The following ITGBL1 variants were observed in gnomAD, a reference collection of about 807,000 sequenced individuals.
The protein encoded by ITGBL1 is integrin beta-like protein 1.
In ITGBL1, 51 loss-of-function variants were observed where a neutral mutation model predicts 68.5. That is an observed-to-expected ratio of 0.74 (90% CI 0.59 to 0.94). The LOEUF is 0.94. Ranked by LOEUF, ITGBL1 falls within the 40% of genes least tolerant of loss-of-function variation. The pLI, the probability that ITGBL1 is intolerant of heterozygous loss-of-function variation, is 0.00. For missense variants in ITGBL1, 649 were observed against 647.4 expected, an observed-to-expected ratio of 1.00 and a Z score of -0.03; for synonymous variants, 209 against 227.3, an observed-to-expected ratio of 0.92 and a Z score of 0.72.
At chr13:101,598,579 T>G (rs1226049583) in intron 7 of ITGBL1, among the ~76,000 whole-genome samples, 3 of 152,134 alleles carry the variant, frequency 2.0e-5, no homozygotes, top group African/African-American at 2.4e-5. Flanking sequence ...ATGCTATCCC[T>G]CCCCGCTGCC....
intron 2 of ITGBL1, among the ~76,000 whole-genome samples, chr13:101,566,207 T>C (rs2050181150): frequency 6.6e-6 from 1 of 152,150 alleles, no homozygotes; most frequent in Non-Finnish European, 1.5e-5. Flanking sequence ...TTCCATATGG[T>C]TCAACCAAAT....
chr13:101,547,004 CAAAAT>C (rs1206819340), intron 2 of ITGBL1, among the ~76,000 whole-genome samples: 1 of 151,692 alleles, frequency 6.6e-6, no homozygotes, highest in African/African-American at 2.4e-5. Flanking sequence ...AAATAAAACA[CAAAAT>C]AAAATCCTAT....
At chr13:101,700,072 C>T (rs1020554194) in intron 8 of ITGBL1, among the ~76,000 whole-genome samples, 1 of 152,140 alleles carries the variant, frequency 6.6e-6, no homozygotes, top group African/African-American at 2.4e-5. Context: ...GCTTTAAGTG[C>T]CATCCACATT....
chr13:101,542,771 T>G (rs1445695282), intron 2 of ITGBL1, among the ~76,000 whole-genome samples: 1 of 152,232 alleles, frequency 6.6e-6, no homozygotes, highest in Non-Finnish European at 1.5e-5. Flanking sequence ...TTAGGATAGT[T>G]AGCTCTTCTT....
At chr13:101,491,501 TAAC>T in intron 2 of ITGBL1, among the ~76,000 whole-genome samples, 1 of 152,250 alleles carries the variant, frequency 6.6e-6, no homozygotes, top group East Asian at 1.9e-4. Context: ...TCCCAAATTG[TAAC>T]AACTTTTCCT....
intron 8 of ITGBL1, among the ~76,000 whole-genome samples, chr13:101,705,127 G>T (rs1378675290): frequency 2.0e-5 from 3 of 151,786 alleles, no homozygotes; most frequent in Non-Finnish European, 4.4e-5. Context: ...CTAGTATCCT[G>T]TCTTTCTTTC....
chr13:101,522,741 C>T (rs556891732), intron 2 of ITGBL1, among the ~76,000 whole-genome samples: 6 of 152,228 alleles, frequency 3.9e-5, no homozygotes, highest in Admixed American at 3.9e-4. Context: ...AGTCAGGGCT[C>T]TTTGTTATTT....
intron 7 of ITGBL1, among the ~76,000 whole-genome samples, chr13:101,683,027 C>T (rs2033678599): frequency 6.6e-6 from 1 of 151,990 alleles, no homozygotes; most frequent in Non-Finnish European, 1.5e-5. Context: ...CATGGCTCAC[C>T]AATTTTATCA....
At position 101,453,924 on chromosome 13, in the gene ITGBL1, C is replaced by G. The variant is rs1052153988; in HGVS notation, c.140C>G (p.Ser47Trp). 5 of 1,347,326 alleles carry G rather than the reference C, an allele frequency of 3.7e-6. No individual in the cohort carries two copies. The African/African-American group carries it at 7.6e-5, about 21-fold the overall frequency. 83.5% of individuals were successfully genotyped at this position (1,347,326 alleles called of 1,614,324 possible). A position where few individuals can be genotyped will look rare whatever the true frequency, so the allele number is the denominator to read the frequency against. ...GAACRLSRAESERRCRAPGQP... is the reference protein window; with the variant it reads ...GAACRLSRAEWERRCRAPGQP... ...GCCTGCAGGCTGTCCCGGGCCGAGTCGGAGCGACGCTGCCGCGCACCTGGG... is the reference window on the plus strand; with the variant it reads ...GCCTGCAGGCTGTCCCGGGCCGAGTGGGAGCGACGCTGCCGCGCACCTGGG... Residue 47 changes from serine to tryptophan, a missense_variant, in exon 2 of 11, where the codon TCG (serine) becomes TGG (tryptophan). Physicochemically the swap from Ser to Trp is radical, Grantham distance 177 (BLOSUM62 -3). Transcript: ENST00000376180.
intron 2 of ITGBL1, among the ~76,000 whole-genome samples, chr13:101,515,080 TG>T (rs1446263335): frequency 6.6e-6 from 1 of 152,144 alleles, no homozygotes; most frequent in African/African-American, 2.4e-5. Flanking sequence ...TGAACCAATT[TG>T]GGATACTCAA....
intron 7 of ITGBL1, among the ~76,000 whole-genome samples, chr13:101,598,869 T>A (rs2030166716): frequency 6.6e-6 from 1 of 152,192 alleles, no homozygotes; most frequent in Admixed American, 6.5e-5. Context: ...AAGTCTTTGC[T>A]ATTGTGAATA....
chr13:101,554,534 C>G (rs2049974335), intron 2 of ITGBL1, among the ~76,000 whole-genome samples: 1 of 152,214 alleles, frequency 6.6e-6, no homozygotes, highest in Non-Finnish European at 1.5e-5. Context: ...AGCAACCTTC[C>G]TTTGAAGCAA....
intron 2 of ITGBL1, among the ~76,000 whole-genome samples, chr13:101,565,223 G>C (rs1357605226): frequency 6.6e-6 from 1 of 152,026 alleles, no homozygotes; most frequent in Non-Finnish European, 1.5e-5. Context: ...ACACTGTAAT[G>C]GAGATTACCT....
chr13:101,631,968 A>C (rs1385387356), intron 7 of ITGBL1, among the ~76,000 whole-genome samples: 2 of 152,136 alleles, frequency 1.3e-5, no homozygotes, highest in Non-Finnish European at 2.9e-5. Context: ...ATAGGAAACA[A>C]TTTGTTTTGA....
intron 2 of ITGBL1, among the ~76,000 whole-genome samples, chr13:101,455,450 T>G (rs1027043279): frequency 3.3e-5 from 5 of 151,910 alleles, no homozygotes; most frequent in African/African-American, 1.2e-4. Context: ...GTGAATCACT[T>G]GAGGTCAGGA....
intron 7 of ITGBL1, among the ~76,000 whole-genome samples, chr13:101,686,677 G>C (rs1391514892): frequency 5.3e-5 from 8 of 151,912 alleles, no homozygotes; most frequent in Non-Finnish European, 1.2e-4. Flanking sequence ...TGTGGATTAT[G>C]TTGAGATAAT....
At position 101,454,084 on chromosome 13, in the gene ITGBL1, C is replaced by CG; in HGVS notation, c.303dup (p.Ser102GlufsTer8). 6.3e-7 allele frequency: 1 copy of CG among 1,576,940 alleles called. No individual in the cohort carries two copies. On this transcript the variant is annotated frameshift_variant, in exon 2 of 11. Coordinates refer to ENST00000376180, the MANE Select transcript of ITGBL1 (RefSeq NM_004791.3). LOFTEE classifies it high-confidence loss of function. The stretch of plus-strand genomic sequence containing the variant: ...ATGAGTGGGTGTGCGAGACCTACGA[C>CG]GGGAGCACCTGTGCAGGTAAGAGGG...
At chr13:101,642,266 G>C (rs1820221771) in intron 7 of ITGBL1, among the ~76,000 whole-genome samples, 1 of 152,126 alleles carries the variant, frequency 6.6e-6, no homozygotes, top group South Asian at 2.1e-4. Context: ...TAACTGGTGT[G>C]AGATGGTATC....
At chr13:101,604,863 T>TACAC (rs1229883835) in intron 7 of ITGBL1, among the ~76,000 whole-genome samples, 1 of 20,850 alleles carries the variant, frequency 4.8e-5, no homozygotes, top group Non-Finnish European at 1.1e-4. Context: ...TATATATATA[T>TACAC]ATATATATAT....
Sources: allele counts gnomAD v4.1 joint callset (sites outside exome capture counted in the v4.1 genomes callset), GRCh38; gene constraint gnomAD v4.1.1; transcripts MANE v1.5; gene names NCBI Gene and HGNC (gene_info 2026-07-23, HGNC 2026-07-21).